GLIS3: variants seen among roughly 807,000 people sequenced by gnomAD.
GLIS3 encodes the protein zinc finger protein GLIS3.
GLIS3 carries 53 observed loss-of-function variants against 78.6 expected under a neutral mutation model. That is an observed-to-expected ratio of 0.67 (90% CI 0.54 to 0.85). The LOEUF (loss-of-function observed/expected upper bound fraction) is 0.85, where lower values mean the gene tolerates loss of function less well. GLIS3 is among the 40% of genes least tolerant of loss of function. The probability of loss-of-function intolerance (pLI) is 0.00; values close to 1 mark genes in which losing one functional copy is unlikely to be tolerated. For missense variants in GLIS3, 1,703 were observed against 1,231.1 expected (o/e 1.38, Z -5.74); for synonymous variants, 684 against 509.9 (o/e 1.34, Z -4.60).
chr9:4,398,412 A>T, the GLIS3 span, among the ~76,000 whole-genome samples: 1 of 152,158 alleles, frequency 6.6e-6, no homozygotes, highest in East Asian at 1.9e-4. Context: ...CAGGTGATTC[A>T]AGTGCACATT....
intron 7 of GLIS3, among the ~76,000 whole-genome samples, chr9:3,893,980 A>G (rs144306921): frequency 4.7e-4 from 72 of 152,314 alleles, no homozygotes; most frequent in Non-Finnish European, 6.8e-4. Flanking sequence ...GCATTCTCCA[A>G]TCTAACTCGG....
chr9:4,403,210 G>A, the GLIS3 span, among the ~76,000 whole-genome samples: 10 of 152,220 alleles, frequency 6.6e-5, no homozygotes, highest in African/African-American at 2.4e-4. Flanking sequence ...CCTATCTGGT[G>A]AAAATACCCT....
At chr9:4,062,540 T>G (rs1826737533) in intron 4 of GLIS3, among the ~76,000 whole-genome samples, 1 of 152,206 alleles carries the variant, frequency 6.6e-6, no homozygotes, top group African/African-American at 2.4e-5. Context: ...TTAAGGCACT[T>G]ACTTTCTCTG....
intron 4 of GLIS3, among the ~76,000 whole-genome samples, chr9:4,004,258 C>G (rs993019349): frequency 2.0e-5 from 3 of 151,996 alleles, no homozygotes; most frequent in Non-Finnish European, 4.4e-5. Flanking sequence ...ATGACCAGAC[C>G]AAGGGAGGTA....
At chr9:4,119,417 A>G (rs949395224) in intron 3 of GLIS3, among the ~76,000 whole-genome samples, 4 of 152,232 alleles carry the variant, frequency 2.6e-5, no homozygotes, top group African/African-American at 7.2e-5. Context: ...GGGACTTAAT[A>G]ATTTCACAAT....
chr9:4,450,183 G>T, the GLIS3 span, among the ~76,000 whole-genome samples: 2 of 152,142 alleles, frequency 1.3e-5, no homozygotes, highest in Non-Finnish European at 2.9e-5. Flanking sequence ...ATCACGACAC[G>T]AGAACTATGT....
intron 4 of GLIS3, among the ~76,000 whole-genome samples, chr9:4,032,127 C>G (rs1428431813): frequency 2.0e-5 from 3 of 152,224 alleles, no homozygotes; most frequent in Admixed American, 2.0e-4. Context: ...TCAGGCAGAT[C>G]TAAGTGCCTT....
At chr9:4,095,116 C>G (rs957910237) in intron 4 of GLIS3, among the ~76,000 whole-genome samples, 6 of 152,276 alleles carry the variant, frequency 3.9e-5, no homozygotes, top group African/African-American at 1.4e-4. Context: ...GAATAAAACA[C>G]TAGAACTTAT....
intron 2 of GLIS3, among the ~76,000 whole-genome samples, chr9:4,236,184 CAAAAAAA>C (rs59839951): frequency 8.3e-5 from 7 of 84,306 alleles, no homozygotes; most frequent in Non-Finnish European, 1.1e-4. Context: ...GTGGTTGTCA[CAAAAAAA>C]AAAAAAAAAA....
chr9:4,300,927 G>T (rs73384166), upstream of GLIS3, among the ~76,000 whole-genome samples: 8,544 of 151,974 alleles, frequency 0.056, 796 homozygotes, highest in African/African-American at 0.19. Flanking sequence ...AATGAGTGAG[G>T]ATGCCACCAG....
intron 2 of GLIS3, among the ~76,000 whole-genome samples, chr9:4,195,621 G>A (rs887293960): frequency 7.9e-5 from 12 of 152,264 alleles, no homozygotes; most frequent in Admixed American, 6.5e-5. Context: ...AGATGGGCAC[G>A]CCCCCTGTTC....
At chr9:4,398,947 A>T in the GLIS3 span, among the ~76,000 whole-genome samples, 2 of 152,130 alleles carry the variant, frequency 1.3e-5, no homozygotes. Context: ...TTGGCCTCTC[A>T]AAGTGCTAGG....
upstream of GLIS3, among the ~76,000 whole-genome samples, chr9:4,351,962 G>A (rs1025657466): frequency 6.6e-6 from 1 of 152,210 alleles, no homozygotes; most frequent in East Asian, 1.9e-4. Flanking sequence ...AGAGTTTGAT[G>A]TAACTCCTAG....
rs144576834 is a variant in GLIS3 at position 4,096,128 on chromosome 9, C to T, written c.1710+21640G>A. On this transcript the variant is annotated intron_variant, in intron 4 of 10. Transcript: ENST00000381971. ...AAGGAGAAAAAAACAAAGATAAATT[C>T]ATTGACCAAAGGATTAAATAGTTCA... is the stretch of plus-strand genomic sequence containing the variant. Among the ~76,000 whole-genome samples the T allele has an allele frequency of 5.9e-4, 89 of 151,576 alleles. 1 individual carries two copies. In the East Asian group the frequency reaches 0.015, roughly 25 times the overall value.
intron 4 of GLIS3, among the ~76,000 whole-genome samples, chr9:4,076,047 G>A (rs138502475): frequency 6.6e-6 from 1 of 152,196 alleles, no homozygotes; most frequent in East Asian, 1.9e-4. Flanking sequence ...TGACTGTGGT[G>A]GTGGTTTCAC....
intron 10 of GLIS3, among the ~76,000 whole-genome samples, 158 bp downstream of exon 10, chr9:3,829,152 G>C (rs1817893801): frequency 6.6e-6 from 1 of 152,056 alleles, no homozygotes; most frequent in Admixed American, 6.6e-5. Flanking sequence ...AGGAGGGCTG[G>C]AGGGGAAGGT....
chr9:4,439,874 G>C, the GLIS3 span, among the ~76,000 whole-genome samples: 2 of 152,080 alleles, frequency 1.3e-5, no homozygotes, highest in African/African-American at 4.8e-5. Context: ...GCAGAGAAAA[G>C]GTTTCACCCT....
chr9:4,296,892 G>C (rs968890243), intron 1 of GLIS3, among the ~76,000 whole-genome samples: 1 of 114,074 alleles, frequency 8.8e-6, no homozygotes, highest in African/African-American at 3.6e-5. Context: ...ACCTCAGCTT[G>C]TTCTCAATTG....
At chr9:4,215,598 T>C (rs952539747) in intron 2 of GLIS3, among the ~76,000 whole-genome samples, 3 of 152,228 alleles carry the variant, frequency 2.0e-5, no homozygotes, top group African/African-American at 7.2e-5. Flanking sequence ...ACTATAATGC[T>C]ATCGCCTGGG....
Sources: gnomAD v4.1 joint callset for allele counts (sites outside exome capture counted in the v4.1 genomes callset) on GRCh38, gnomAD v4.1.1 for gene constraint, MANE v1.5 for transcripts, NCBI Gene and HGNC (gene_info 2026-07-23, HGNC 2026-07-21) for gene names.